Variants in BCKDHB observed in about 807,000 individuals in gnomAD.
BCKDHB encodes 2-oxoisovalerate dehydrogenase subunit beta, mitochondrial.
BCKDHB carries 41 observed loss-of-function variants against 48.5 expected under a neutral mutation model. The observed-to-expected ratio is 0.85, with a 90% confidence interval of 0.66 to 1.10. The LOEUF (loss-of-function observed/expected upper bound fraction) is 1.10, where lower values mean the gene tolerates loss of function less well. Ranked by LOEUF, BCKDHB falls within the 50% of genes least tolerant of loss-of-function variation. The pLI, the probability that BCKDHB is intolerant of heterozygous loss-of-function variation, is 0.00. For missense variants in BCKDHB, 496 were observed against 494.2 expected (o/e 1.00, Z -0.03); for synonymous variants, 201 against 174.8 (o/e 1.15, Z -1.18).
the BCKDHB span, among the ~76,000 whole-genome samples, chr6:80,394,634 C>T: frequency 6.6e-6 from 1 of 152,120 alleles, no homozygotes; most frequent in Non-Finnish European, 1.5e-5. Flanking sequence ...CAAGTAACAG[C>T]ATTAACTAAA....
chr6:80,436,011 C>T, the BCKDHB span, among the ~76,000 whole-genome samples: 25 of 152,078 alleles, frequency 1.6e-4, no homozygotes, highest in East Asian at 1.9e-4. Context: ...TCAGGCCCAG[C>T]GCTTGATGTT....
the BCKDHB span, among the ~76,000 whole-genome samples, chr6:80,439,024 C>T: frequency 6.6e-6 from 1 of 152,168 alleles, no homozygotes; most frequent in Non-Finnish European, 1.5e-5. Flanking sequence ...AACCTAATTG[C>T]TCCCTCATCC....
At chr6:80,283,114 T>C (rs1378020612) in intron 9 of BCKDHB, among the ~76,000 whole-genome samples, 1 of 152,072 alleles carries the variant, frequency 6.6e-6, no homozygotes, top group African/African-American at 2.4e-5. Flanking sequence ...CTTCTACATG[T>C]ATGGCATATT....
the BCKDHB span, among the ~76,000 whole-genome samples, chr6:80,433,091 T>A: frequency 6.6e-6 from 1 of 152,098 alleles, no homozygotes; most frequent in Non-Finnish European, 1.5e-5. Context: ...GTATGAGGTG[T>A]CTGTTGGCCC....
chr6:80,351,653 T>TC, the BCKDHB span, among the ~76,000 whole-genome samples: 8 of 148,298 alleles, frequency 5.4e-5, no homozygotes, highest in East Asian at 1.2e-3. Context: ...TTCTTTTTTT[T>TC]TTTTTTTGAG....
the BCKDHB span, among the ~76,000 whole-genome samples, chr6:80,466,334 A>G: frequency 6.6e-6 from 1 of 152,330 alleles, no homozygotes; most frequent in East Asian, 1.9e-4. Context: ...TTGTAGAAAT[A>G]AGACATGTAG....
chr6:80,450,603 AAGCCAATATGGC>A, the BCKDHB span, among the ~76,000 whole-genome samples: 1 of 152,190 alleles, frequency 6.6e-6, no homozygotes, highest in Non-Finnish European at 1.5e-5. Flanking sequence ...GGTTAATCGG[AAGCCAATATGGC>A]AGATTAGCAC....
At chr6:80,288,837 T>C (rs1007567516) in intron 9 of BCKDHB, among the ~76,000 whole-genome samples, 1 of 152,122 alleles carries the variant, frequency 6.6e-6, no homozygotes, top group African/African-American at 2.4e-5. Context: ...CTCTGAGAGT[T>C]AAGGGTTGAT....
At chr6:80,340,174 C>A (rs1389840916) in intron 9 of BCKDHB, among the ~76,000 whole-genome samples, 1 of 152,196 alleles carries the variant, frequency 6.6e-6, no homozygotes, top group Non-Finnish European at 1.5e-5. Context: ...TCTAAAATTT[C>A]ACAGCGTCTT....
intron 8 of BCKDHB, among the ~76,000 whole-genome samples, chr6:80,240,390 G>C (rs1776331178): frequency 6.6e-6 from 1 of 152,102 alleles, no homozygotes; most frequent in Non-Finnish European, 1.5e-5. Context: ...CACATGCCTT[G>C]TAAGTTGGAT....
At chr6:80,124,897 G>C (rs1372905258) in intron 1 of BCKDHB, among the ~76,000 whole-genome samples, 1 of 152,124 alleles carries the variant, frequency 6.6e-6, no homozygotes, top group African/African-American at 2.4e-5. Context: ...AATTCTCAAG[G>C]GTGCTAGGAC....
chr6:80,312,533 G>T (rs1428382120), intron 9 of BCKDHB, among the ~76,000 whole-genome samples: 2 of 152,120 alleles, frequency 1.3e-5, no homozygotes, highest in African/African-American at 2.4e-5. Flanking sequence ...TCCAGCTTTT[G>T]CCCATTCAGT....
At chr6:80,213,422 A>G (rs1308271041) in intron 8 of BCKDHB, among the ~76,000 whole-genome samples, 1 of 152,172 alleles carries the variant, frequency 6.6e-6, no homozygotes, top group Non-Finnish European at 1.5e-5. Flanking sequence ...TTTCTAAGAC[A>G]TGAGTTTTAT....
At chr6:80,177,644 C>T (rs1773227293) in intron 6 of BCKDHB, among the ~76,000 whole-genome samples, 2 of 152,124 alleles carry the variant, frequency 1.3e-5, no homozygotes, top group South Asian at 4.1e-4. Context: ...TAAACCAGTG[C>T]AGTAGGAAAT....
At chr6:80,310,096 T>A (rs1416044483) in intron 9 of BCKDHB, among the ~76,000 whole-genome samples, 5 of 151,966 alleles carry the variant, frequency 3.3e-5, no homozygotes, top group African/African-American at 7.3e-5. Context: ...TTTTTTTTTT[T>A]AATTTCCAAC....
intron 8 of BCKDHB, among the ~76,000 whole-genome samples, chr6:80,242,920 T>C (rs1043579821): frequency 6.6e-6 from 1 of 152,152 alleles, no homozygotes; most frequent in Non-Finnish European, 1.5e-5. Context: ...AATCTGTAGT[T>C]TGAGTGTTCA....
rs575479423 is a variant in BCKDHB at position 80,140,471 on chromosome 6, A to T, written c.343+11242A>T. Among the ~76,000 whole-genome samples the T allele has an allele frequency of 3.1e-3, 471 of 152,290 alleles. 4 individuals are homozygous for T. Among genetic ancestry groups the T allele is most frequent in the African/African-American group, 0.011 (455 of 41,554 alleles). On this transcript the variant is annotated intron_variant, in intron 3 of 9. Transcript: ENST00000320393. ...TCGATAGCTCTTATTATTTTGAGAT[A>T]CGTCCCATGAATACCGAATTTATTG...
At chr6:80,250,266 C>G (rs972904405) in intron 8 of BCKDHB, among the ~76,000 whole-genome samples, 5 of 105,534 alleles carry the variant, frequency 4.7e-5, no homozygotes, top group Non-Finnish European at 9.7e-5. Flanking sequence ...TGAATCTTTA[C>G]TTCTGGCATT....
intron 9 of BCKDHB, among the ~76,000 whole-genome samples, chr6:80,335,164 A>T (rs1205600639): frequency 6.7e-6 from 1 of 149,610 alleles, no homozygotes; most frequent in Non-Finnish European, 1.5e-5. Flanking sequence ...TGCTTTAGCC[A>T]GGATTGATTT....
Sources: gnomAD v4.1 joint callset for allele counts (sites outside exome capture counted in the v4.1 genomes callset) on GRCh38, gnomAD v4.1.1 for gene constraint, MANE v1.5 for transcripts, NCBI Gene and HGNC (gene_info 2026-07-23, HGNC 2026-07-21) for gene names.